SEMA4D: variants seen among roughly 807,000 people sequenced by gnomAD.
SEMA4D encodes the protein semaphorin 4D.
A neutral mutation model predicts 74.8 loss-of-function variants in SEMA4D; 22 were observed. That is an observed-to-expected ratio of 0.29 (90% confidence interval 0.21 to 0.42). The LOEUF is 0.42. SEMA4D is among the 10% of genes least tolerant of loss of function. The pLI is 1.00. For missense variants in SEMA4D, 937 were observed against 1,118.4 expected (o/e 0.84, Z 2.31); for synonymous variants, 445 against 463.7 (o/e 0.96, Z 0.52).
intron 2 of SEMA4D, chr9:89,449,891 G>A: frequency 6.8e-7 from 1 of 1,469,242 alleles, no homozygotes; most frequent in Non-Finnish European, 9.5e-7. Flanking sequence ...TTGACCTTGG[G>A]GTCCATGTGA....
At position 89,378,949 on chromosome 9, in the gene SEMA4D, A is replaced by T. The variant is rs764362255; in HGVS notation, c.2344T>A (p.Phe782Ile). 8 of 1,614,174 alleles carry T rather than the reference A, an allele frequency of 5.0e-6. No individual in the cohort carries two copies. Among genetic ancestry groups the T allele is most frequent in the Non-Finnish European group, 6.8e-6 (8 of 1,180,022 alleles). The change falls in exon 16 of 16, where the codon TTC (phenylalanine) becomes ATC (isoleucine). Residue 782 changes from phenylalanine (F) to isoleucine (I), a missense_variant. Transcript: ENST00000422704. ...TTCAGGCTCTGCTCACGGTCACAGA[A>T]ATCTGACTTGGGCTTCTTCTTCCCA... Reference protein sequence around the residue: ...LIGKKKPKSDFCDREQSLKET... With the variant: ...LIGKKKPKSDICDREQSLKET...
At chr9:89,404,126 G>A (rs987059358) in intron 3 of SEMA4D, among the ~76,000 whole-genome samples, 2 of 152,010 alleles carry the variant, frequency 1.3e-5, no homozygotes, top group African/African-American at 2.4e-5. Context: ...TCAGAAACCC[G>A]GGTCCCCAGA....
At position 89,381,081 on chromosome 9, in the gene SEMA4D, A is replaced by G. The variant is rs1186918477; in HGVS notation, c.1637T>C (p.Met546Thr). The G allele has an allele frequency of 5.0e-6, 8 of 1,614,144 alleles. No individual in the cohort carries two copies. The highest frequency in any genetic ancestry group is 6.8e-6 in the Non-Finnish European group (8 of 1,180,036). ...CGGGCACACAGAAGCATCGCCGCTC[A>G]TCTCCTGAATCAAACCCCTGCAAAA... The part of the protein sequence containing the change: ...ESPSRGLIQE[M>T]SGDASVCPDK... Residue 546 changes from methionine (M) to threonine (T), a missense_variant, in exon 15 of 16, where the codon ATG becomes ACG. Transcript: ENST00000422704. The surrounding 1 kb of genome is among the most constrained non-coding windows in gnomAD (Gnocchi z 4.6).
intron 1 of SEMA4D, among the ~76,000 whole-genome samples, chr9:89,468,564 G>C (rs1481677410): frequency 4.6e-5 from 7 of 152,060 alleles, no homozygotes; most frequent in Admixed American, 4.6e-4. Context: ...TATTTTTCTT[G>C]GGTTTTTCAA....
At position 89,496,378 on chromosome 9, in the gene SEMA4D, C is replaced by CGTCT. The variant is rs547093297; in HGVS notation, c.-310+1537_-310+1540dup. Among the ~76,000 whole-genome samples, 151 of 152,246 alleles carry CGTCT rather than the reference C, an allele frequency of 9.9e-4. 1 individual carries two copies. Among genetic ancestry groups the CGTCT allele is most frequent in the African/African-American group, 3.5e-3 (147 of 41,516 alleles). ...CTGAAATACAGCCACTGAGTTCCAC[C>CGTCT]GTCTACCAACTCCTAAGCGGCCCAC... On this transcript the variant is annotated intron_variant, in intron 1 of 15. Transcript: ENST00000422704.
chr9:89,372,486 C>G (rs1054078313), downstream of SEMA4D, among the ~76,000 whole-genome samples: 2 of 151,770 alleles, frequency 1.3e-5, no homozygotes, highest in Non-Finnish European at 2.9e-5. Context: ...ATGTGCATTG[C>G]TAGCCGCATG....
At position 89,379,249 on chromosome 9, in the gene SEMA4D, G is replaced by A. The variant is rs1836446714; in HGVS notation, c.2044C>T (p.Pro682Ser). Residue 682 changes from proline to serine, a missense_variant, in exon 16 of 16, where the codon CCC (proline) becomes TCC (serine). Coordinates refer to ENST00000422704, the MANE Select transcript of SEMA4D (RefSeq NM_001371194.2). Reference protein sequence around the residue: ...VLVASTQGSSPPTPAVQATSS... With the variant: ...VLVASTQGSSSPTPAVQATSS... ...GTGGCCTGCACGGCTGGGGTTGGGG[G>A]AGAAGACCCTTGGGTGGATGCCACC... 4 of 1,614,140 alleles carry A rather than the reference G, an allele frequency of 2.5e-6. No homozygotes were observed. The South Asian group carries it at 3.3e-5, about 13-fold the overall frequency.
chr9:89,377,222 T>C (rs1260797896), downstream of SEMA4D: 1 of 931,228 alleles, frequency 1.1e-6, no homozygotes, highest in African/African-American at 1.7e-5. Context: ...CGCTAAGGAA[T>C]GTCTTCCCCA....
intron 2 of SEMA4D, among the ~76,000 whole-genome samples, chr9:89,442,709 G>C (rs1044498138): frequency 3.3e-5 from 5 of 152,192 alleles, no homozygotes; most frequent in Admixed American, 3.3e-4. Flanking sequence ...TGCAAGGGGA[G>C]GGGAGGGTTC....
chr9:89,429,332 G>A (rs982040831), intron 2 of SEMA4D, among the ~76,000 whole-genome samples: 10 of 152,220 alleles, frequency 6.6e-5, no homozygotes, highest in African/African-American at 1.9e-4. Flanking sequence ...CCCCATCAGG[G>A]TGAGCGCCTT....
chr9:89,420,922 A>C (rs576855837), intron 2 of SEMA4D, among the ~76,000 whole-genome samples: 1 of 152,356 alleles, frequency 6.6e-6, no homozygotes, highest in African/African-American at 2.4e-5. Flanking sequence ...GATGCTGTTT[A>C]AGCACTGGGA....
chr9:89,470,062 A>G (rs1859784945), intron 1 of SEMA4D, among the ~76,000 whole-genome samples: 3 of 152,240 alleles, frequency 2.0e-5, no homozygotes, highest in Admixed American at 2.0e-4. Flanking sequence ...CAAAGTCAAG[A>G]GGGTCCAAGA....
In SEMA4D at chr9:89,488,533, C is replaced by T. The variant is rs566147582; in HGVS notation, c.-310+9386G>A. Among the ~76,000 whole-genome samples, 181 of 151,820 alleles carry T rather than the reference C, an allele frequency of 1.2e-3. 1 individual carries two copies. Among genetic ancestry groups the T allele is most frequent in the African/African-American group, 3.7e-3 (152 of 41,400 alleles). On this transcript the variant is annotated intron_variant, in intron 1 of 15. Transcript: ENST00000422704. ...GATTACATACGTGCACCATCACATC[C>T]GGCTAATTTTTGTACTTTTAGTAGA... is the stretch of plus-strand genomic sequence containing the variant.
intron 1 of SEMA4D, chr9:89,472,595 T>C (rs1368933338): frequency 2.3e-5 from 5 of 214,672 alleles, no homozygotes; most frequent in African/African-American, 9.4e-5. Context: ...CATTCAAAGA[T>C]GTCCTGCAAG....
chr9:89,379,783 C>CA (rs1836596384), intron 15 of SEMA4D, among the ~76,000 whole-genome samples, 154 bp from the exon 16 acceptor site: 1 of 152,164 alleles, frequency 6.6e-6, no homozygotes, highest in Admixed American at 6.5e-5. Flanking sequence ...CATGCGTGAC[C>CA]AAAAAGCAAA....
At chr9:89,422,584 G>A (rs759528307) in intron 2 of SEMA4D, among the ~76,000 whole-genome samples, 21 of 152,360 alleles carry the variant, frequency 1.4e-4, no homozygotes, top group Non-Finnish European at 2.2e-4. Context: ...GCGCATCCCC[G>A]TGCCGTTTAT....
At chr9:89,452,026 C>T (rs986889352) in intron 2 of SEMA4D, among the ~76,000 whole-genome samples, 5 of 152,114 alleles carry the variant, frequency 3.3e-5, no homozygotes, top group African/African-American at 1.2e-4. Flanking sequence ...ACCACCGACA[C>T]AGCCACTGAT....
chr9:89,494,951 T>C (rs541235505), intron 1 of SEMA4D, among the ~76,000 whole-genome samples: 1 of 152,198 alleles, frequency 6.6e-6, no homozygotes, highest in Non-Finnish European at 1.5e-5. Context: ...ATGAGACACA[T>C]CAATAGCCTA....
At chr9:89,417,979 C>A (rs1211175471) in intron 2 of SEMA4D, 1 of 539,280 alleles carries the variant, frequency 1.9e-6, no homozygotes, top group African/African-American at 2.1e-5. Flanking sequence ...CAACCACCTG[C>A]CAGATCCAAC....
Sources: gnomAD v4.1 joint callset for allele counts (sites outside exome capture counted in the v4.1 genomes callset) on GRCh38, gnomAD v4.1.1 for gene constraint, Gnocchi (gnomAD v3.1) non-coding constraint, MANE v1.5 for transcripts, NCBI Gene and HGNC (gene_info 2026-07-23, HGNC 2026-07-21) for gene names.